HOOK3: variants seen among roughly 807,000 people sequenced by gnomAD.
The protein encoded by HOOK3 is hook microtubule tethering protein 3, also known as protein Hook homolog 3.
HOOK3 carries 24 observed loss-of-function variants against 116.3 expected under a neutral mutation model. The ratio of observed to expected loss-of-function variants is 0.21; its 90% CI spans 0.15 to 0.29. The LOEUF (loss-of-function observed/expected upper bound fraction) is 0.29. HOOK3 is among the 10% of genes least tolerant of loss of function. The probability of loss-of-function intolerance (pLI) is 1.00; values close to 1 mark genes in which losing one functional copy is unlikely to be tolerated. For missense variants in HOOK3, 632 were observed against 830.2 expected (o/e 0.76, Z 2.93); for synonymous variants, 275 against 283.0 (o/e 0.97, Z 0.28).
chr8:43,011,055 C>T (rs1252887652), intron 19 of HOOK3, among the ~76,000 whole-genome samples: 3 of 151,818 alleles, frequency 2.0e-5, no homozygotes, highest in Non-Finnish European at 4.4e-5. Flanking sequence ...TACAGTGGCA[C>T]GATCTTGGCT....
intron 1 of HOOK3, among the ~76,000 whole-genome samples, chr8:42,902,896 C>T (rs1328391327): frequency 6.6e-6 from 1 of 152,182 alleles, no homozygotes; most frequent in African/African-American, 2.4e-5. Flanking sequence ...AGACATAGTC[C>T]TCACTGCTGC....
chr8:42,960,748 C>T (rs1808520124), intron 8 of HOOK3, among the ~76,000 whole-genome samples: 3 of 152,152 alleles, frequency 2.0e-5, no homozygotes, highest in South Asian at 4.1e-4. Flanking sequence ...ATGCATCAGG[C>T]ACTGAAGTAG....
At chr8:42,898,486 C>T (rs1412409796) in intron 1 of HOOK3, among the ~76,000 whole-genome samples, 2 of 152,016 alleles carry the variant, frequency 1.3e-5, no homozygotes, top group Admixed American at 1.3e-4. Context: ...TCTGACTAGG[C>T]AGGGGAGAGA....
chr8:42,974,048 A>C (rs1808773423), intron 12 of HOOK3, 59 bp from the exon 13 acceptor site: 2 of 1,165,478 alleles, frequency 1.7e-6, no homozygotes, highest in African/African-American at 1.5e-5. Context: ...GGCAGAGGCC[A>C]CTGATGAATA....
chr8:42,923,365 C>T (rs1156796763), intron 2 of HOOK3, among the ~76,000 whole-genome samples: 1 of 152,154 alleles, frequency 6.6e-6, no homozygotes, highest in East Asian at 1.9e-4. Context: ...ACTAGTACAG[C>T]AGTGTTCAAG....
chr8:42,903,982 G>A (rs1012490650), intron 1 of HOOK3, among the ~76,000 whole-genome samples: 1 of 151,952 alleles, frequency 6.6e-6, no homozygotes, highest in Non-Finnish European at 1.5e-5. Context: ...AAAAAGATTT[G>A]ATAAATGATA....
rs369775982 is a variant in HOOK3 at position 42,982,711 on chromosome 8, G to C, written c.1391+15G>C. ...CCTGAAATCAGGTAAGGAGATTGTG[G>C]TGTTCACACTTACACTGCACAGTAT... On this transcript the variant is annotated intron_variant, in intron 14 of 21. Transcript: ENST00000307602. 5.1e-6 allele frequency: 8 copies of C among 1,562,646 alleles called. No homozygotes were observed. The East Asian group carries it at 1.3e-4, about 26-fold the overall frequency.
chr8:42,916,604 G>C (rs928382883), intron 2 of HOOK3, among the ~76,000 whole-genome samples: 11 of 152,204 alleles, frequency 7.2e-5, no homozygotes, highest in African/African-American at 2.7e-4. Flanking sequence ...TTCACCTCTT[G>C]AAAGTGCTTG....
intron 4 of HOOK3, among the ~76,000 whole-genome samples, chr8:42,939,306 G>C (rs991028521): frequency 1.3e-5 from 2 of 151,832 alleles, no homozygotes; most frequent in Admixed American, 6.6e-5. Flanking sequence ...GGGCAGAGGC[G>C]CCCCTCACCT....
chr8:42,967,281 C>A (rs766022251), intron 10 of HOOK3, among the ~76,000 whole-genome samples: 8 of 152,020 alleles, frequency 5.3e-5, no homozygotes, highest in Non-Finnish European at 7.4e-5. Flanking sequence ...ACACACACCT[C>A]CCATGACTTA....
intron 13 of HOOK3, among the ~76,000 whole-genome samples, chr8:42,974,771 A>G (rs1479924295): frequency 6.6e-6 from 1 of 152,234 alleles, no homozygotes; most frequent in Non-Finnish European, 1.5e-5. Context: ...AAAGGGGAAG[A>G]GGAATCTGAA....
intron 21 of HOOK3, among the ~76,000 whole-genome samples, chr8:43,015,471 C>T (rs1408054263): frequency 5.3e-5 from 8 of 151,614 alleles, no homozygotes; most frequent in African/African-American, 1.9e-4. Context: ...TGCAGTGAGC[C>T]GAGATCACAC....
chr8:43,003,748 GGCTGGTAACC>G (rs889842473), intron 17 of HOOK3, among the ~76,000 whole-genome samples: 1 of 152,118 alleles, frequency 6.6e-6, no homozygotes, highest in African/African-American at 2.4e-5. Flanking sequence ...TCCTTCTTGT[GGCTGGTAACC>G]GCCAGCAGTC....
chr8:43,009,258 T>C (rs1384144680), intron 18 of HOOK3, among the ~76,000 whole-genome samples: 1 of 151,690 alleles, frequency 6.6e-6, no homozygotes, highest in Non-Finnish European at 1.5e-5. Flanking sequence ...TACAAAAAAT[T>C]AGCCGGGGGT....
intron 17 of HOOK3, among the ~76,000 whole-genome samples, chr8:43,005,930 T>C (rs1387523273): frequency 6.7e-6 from 1 of 150,214 alleles, no homozygotes; most frequent in African/African-American, 2.4e-5. Context: ...CTCCTGACCT[T>C]GTGATCCACC....
At chr8:42,946,365 A>G (rs905148754) in intron 5 of HOOK3, among the ~76,000 whole-genome samples, 2 of 152,192 alleles carry the variant, frequency 1.3e-5, no homozygotes, top group African/African-American at 4.8e-5. Flanking sequence ...GAATGTAGGA[A>G]AGACCTAGGT....
At chr8:42,944,305 A>G (rs1365702533) in intron 5 of HOOK3, among the ~76,000 whole-genome samples, 1 of 151,840 alleles carries the variant, frequency 6.6e-6, no homozygotes, top group African/African-American at 2.4e-5. Context: ...AATCCCAGCT[A>G]CTCAGGTGTC....
intron 2 of HOOK3, among the ~76,000 whole-genome samples, chr8:42,922,181 C>T (rs1006097821): frequency 1.3e-5 from 2 of 152,102 alleles, no homozygotes; most frequent in South Asian, 2.1e-4. Context: ...TCATGACTCT[C>T]GATTAGGCAG....
intron 2 of HOOK3, among the ~76,000 whole-genome samples, chr8:42,907,065 G>A (rs1807324596): frequency 6.6e-6 from 1 of 152,138 alleles, no homozygotes; most frequent in South Asian, 2.1e-4. Flanking sequence ...TTTGACCTAG[G>A]AATTTTTTAA....
Sources: allele counts gnomAD v4.1 joint callset (sites outside exome capture counted in the v4.1 genomes callset), GRCh38; gene constraint gnomAD v4.1.1; transcripts MANE v1.5; gene names NCBI Gene and HGNC (gene_info 2026-07-23, HGNC 2026-07-21).